EML4: variants seen among roughly 807,000 people sequenced by gnomAD.
EML4 encodes EMAP like 4.
In EML4, 72 loss-of-function variants were observed where a neutral mutation model predicts 129.0. That is an observed-to-expected ratio of 0.56 (90% CI 0.46 to 0.68). EML4 has a LOEUF of 0.68. Ranked by LOEUF, EML4 falls within the 30% of genes least tolerant of loss-of-function variation. EML4 has a pLI of 0.00. For missense variants in EML4, 1,363 were observed against 1,190.6 expected (o/e 1.14, Z -2.13); for synonymous variants, 532 against 405.0 (o/e 1.31, Z -3.77).
chr2:42,238,166 A>G (rs1424157782), intron 1 of EML4, among the ~76,000 whole-genome samples: 3 of 152,232 alleles, frequency 2.0e-5, no homozygotes, highest in Non-Finnish European at 2.9e-5. Context: ...TCCACAAGAT[A>G]TCTCATTATG....
chr2:42,191,799 C>A (rs374538856), intron 1 of EML4, among the ~76,000 whole-genome samples: 2 of 152,254 alleles, frequency 1.3e-5, no homozygotes, highest in South Asian at 4.2e-4. Flanking sequence ...GTGGCTCACG[C>A]CTATAATCCC....
intron 6 of EML4, among the ~76,000 whole-genome samples, chr2:42,276,397 C>G (rs1295139874): frequency 6.6e-6 from 1 of 152,140 alleles, no homozygotes; most frequent in Non-Finnish European, 1.5e-5. Context: ...AGTGTCCCCA[C>G]CCTCAGTCAT....
intron 17 of EML4, among the ~76,000 whole-genome samples, chr2:42,306,079 A>C (rs1158592441): frequency 6.6e-6 from 1 of 152,222 alleles, no homozygotes; most frequent in African/African-American, 2.4e-5. Context: ...GAATTTTTAG[A>C]ATTAGGCTGC....
chr2:42,307,194 AT>A (rs1668656425), intron 17 of EML4, among the ~76,000 whole-genome samples: 1 of 152,204 alleles, frequency 6.6e-6, no homozygotes, highest in African/African-American at 2.4e-5. Flanking sequence ...TGTAGGGAAA[AT>A]TGTTCTGAAA....
At position 42,330,297 on chromosome 2, in the gene EML4, A is replaced by G; in HGVS notation, c.*90A>G. ...ACAGGATGGGCAGTGATGGAGAATC[A>G]CTGTTGATTGAGATTTTGGTTTCCA... On this transcript the variant is annotated 3_prime_UTR_variant, in exon 23 of 23. Coordinates refer to ENST00000318522, the MANE Select transcript of EML4 (RefSeq NM_019063.5). The G allele has an allele frequency of 8.4e-7, 1 of 1,186,326 alleles. No homozygotes were observed. The highest frequency in any genetic ancestry group is 1.2e-6 in the Non-Finnish European group (1 of 809,308). 73.5% of individuals were successfully genotyped at this position (1,186,326 alleles called of 1,614,324 possible).
intron 2 of EML4, among the ~76,000 whole-genome samples, chr2:42,250,466 G>T (rs190762217): frequency 6.6e-6 from 1 of 152,078 alleles, no homozygotes; most frequent in African/African-American, 2.4e-5. Context: ...GGACCCTTAC[G>T]CTAAAATGAC....
Position 42,279,109 on chromosome 2 carries a change from T to A in EML4, c.668-1741T>A, listed in dbSNP as rs183504854. On this transcript the variant is annotated intron_variant, in intron 6 of 22. Coordinates refer to ENST00000318522, the MANE Select transcript of EML4 (RefSeq NM_019063.5). ...CTTGAAAATCTCAGGGTATTATATT[T>A]GAAATCTTGAGGTCATGTTTTTGTT... is the stretch of plus-strand genomic sequence containing the variant. Among the ~76,000 whole-genome samples, 10 of 152,320 alleles carry A rather than the reference T, an allele frequency of 6.6e-5. No homozygotes were observed. In the East Asian group the frequency reaches 9.6e-4, roughly 15 times the overall value.
intron 20 of EML4, 169 bp from the exon 21 acceptor site, chr2:42,325,985 T>C: frequency 1.6e-6 from 1 of 623,572 alleles, no homozygotes. Context: ...TGTAGTTTTA[T>C]AAACCCTGTT....
In EML4 at chr2:42,189,477, G is replaced by A. The variant is rs546302385; in HGVS notation, c.25+19841G>A. On this transcript the variant is annotated intron_variant, in intron 1 of 22. Transcript: ENST00000318522. Reference sequence around the variant, plus strand: ...TATCTGCAGTCCCTGTTACTTGGGAGGCCAAGACGAGAGGATTGCATGAGA... The same window carrying A: ...TATCTGCAGTCCCTGTTACTTGGGAAGCCAAGACGAGAGGATTGCATGAGA... Among the ~76,000 whole-genome samples the A allele has an allele frequency of 2.0e-4, 30 of 152,284 alleles. 1 individual carries two copies. The South Asian group carries it at 6.2e-3, about 32-fold the overall frequency.
intron 1 of EML4, among the ~76,000 whole-genome samples, chr2:42,244,109 T>G (rs927365007): frequency 6.9e-5 from 10 of 145,160 alleles, no homozygotes; most frequent in Non-Finnish European, 1.1e-4. Flanking sequence ...TTGTTTTTTT[T>G]TTTTTTTTGA....
intron 17 of EML4, among the ~76,000 whole-genome samples, chr2:42,307,116 A>G (rs1668648926): frequency 6.6e-6 from 1 of 152,254 alleles, no homozygotes; most frequent in Non-Finnish European, 1.5e-5. Context: ...GGTTTGAATC[A>G]TGAAGATAAA....
chr2:42,245,614 G>C lies in EML4; in HGVS notation c.135G>C (p.Leu45Phe). The C allele has an allele frequency of 6.2e-7, 1 of 1,613,746 alleles. No homozygotes were observed. The highest frequency in any genetic ancestry group is 8.5e-7 in the Non-Finnish European group (1 of 1,179,806). The change falls in exon 2 of 23, where the codon TTG becomes TTC. Residue 45 changes from leucine (L) to phenylalanine (F), a missense_variant. Physicochemically the swap from Leu to Phe is conservative, Grantham distance 22 (BLOSUM62 0). Transcript: ENST00000318522. ...AAATCACTGTGCTAAAGGCGGCTTT[G>C]GCTGATGTTTTGAGGCGTCTTGCAA... ...EDEITVLKAA[L>F]ADVLRRLAIS...
intron 2 of EML4, among the ~76,000 whole-genome samples, chr2:42,251,099 C>G (rs1675738802): frequency 6.6e-6 from 1 of 152,222 alleles, no homozygotes; most frequent in Non-Finnish European, 1.5e-5. Flanking sequence ...GCTTCACTCT[C>G]TGGCTTCTCA....
intron 1 of EML4, among the ~76,000 whole-genome samples, chr2:42,239,359 C>T (rs1450854656): frequency 6.6e-6 from 1 of 152,210 alleles, no homozygotes; most frequent in Admixed American, 6.5e-5. Flanking sequence ...AAAGGTGACA[C>T]ATTTCTCAAC....
chr2:42,260,446 G>A (rs1390363023), intron 3 of EML4, among the ~76,000 whole-genome samples: 1 of 152,210 alleles, frequency 6.6e-6, no homozygotes, highest in East Asian at 1.9e-4. Context: ...GATTACAGGC[G>A]TGAGCCAGTG....
chr2:42,190,934 T>A (rs1418820282), intron 1 of EML4, among the ~76,000 whole-genome samples: 1 of 152,238 alleles, frequency 6.6e-6, no homozygotes, highest in Admixed American at 6.5e-5. Flanking sequence ...CCATTCTTTG[T>A]GTGCAGGCCA....
At chr2:42,311,633 T>C (rs1004115953) in intron 17 of EML4, among the ~76,000 whole-genome samples, 2 of 152,236 alleles carry the variant, frequency 1.3e-5, no homozygotes, top group African/African-American at 4.8e-5. Flanking sequence ...AGAGCAGTTC[T>C]GTATCTTGTC....
chr2:42,320,191 C>T (rs1669449382), intron 19 of EML4, among the ~76,000 whole-genome samples: 1 of 151,832 alleles, frequency 6.6e-6, no homozygotes, highest in Non-Finnish European at 1.5e-5. Context: ...TTGCTCTCAA[C>T]TTCATAAGCT....
chr2:42,241,051 C>T (rs1011001174), intron 1 of EML4, among the ~76,000 whole-genome samples: 1 of 151,962 alleles, frequency 6.6e-6, no homozygotes, highest in Admixed American at 6.6e-5. Context: ...CGAGCCTCAG[C>T]TAATAGAATC....
Sources: allele counts gnomAD v4.1 joint callset (sites outside exome capture counted in the v4.1 genomes callset), GRCh38; gene constraint gnomAD v4.1.1; transcripts MANE v1.5; gene names NCBI Gene and HGNC (gene_info 2026-07-23, HGNC 2026-07-21).